Variants in MLKL observed in about 807,000 individuals in gnomAD.
MLKL encodes the protein mixed lineage kinase domain-like protein.
MLKL carries 55 observed loss-of-function variants against 56.5 expected under a neutral mutation model. The observed-to-expected ratio is 0.97, with a 90% CI of 0.78 to 1.22. MLKL has a LOEUF of 1.22. Ranked by LOEUF, MLKL falls within the 50% of genes most tolerant of loss-of-function variation. The pLI is 0.00. For missense variants in MLKL, 694 were observed against 573.9 expected (o/e 1.21, Z -2.14); for synonymous variants, 251 against 208.3 (o/e 1.20, Z -1.76).
chr16:74,692,993 A>G (rs1960766388), intron 2 of MLKL, among the ~76,000 whole-genome samples: 1 of 152,236 alleles, frequency 6.6e-6, no homozygotes, highest in South Asian at 2.1e-4. Flanking sequence ...AACCCTGACT[A>G]CTAAAAGTGG....
intron 1 of MLKL, among the ~76,000 whole-genome samples, chr16:74,697,114 G>T (rs1050632797): frequency 4.6e-5 from 7 of 151,512 alleles, no homozygotes; most frequent in Non-Finnish European, 7.4e-5. Context: ...TACCTGGGAA[G>T]TTGAGATAGG....
chr16:74,675,716 T>TC lies in MLKL; in HGVS notation c.1086_1087insG (p.Thr363AspfsTer28), dbSNP rs1327480721. Reference sequence around the variant, plus strand: ...ACTCTGTCTGTCTTTTCTCTCGTAGTTCCCAAACTCATGGAAGTCTGTGTT... The same window carrying TC: ...ACTCTGTCTGTCTTTTCTCTCGTAGTCTCCCAAACTCATGGAAGTCTGTGTT... On this transcript the variant is annotated frameshift_variant, in exon 8 of 11. Transcript: ENST00000308807. LOFTEE classifies it high-confidence loss of function. The TC allele has an allele frequency of 6.2e-7, 1 of 1,614,076 alleles. No homozygotes were observed. Among genetic ancestry groups the TC allele is most frequent in the African/African-American group, 1.3e-5 (1 of 74,944 alleles).
At chr16:74,698,802 T>C (rs1283004607) in intron 1 of MLKL, among the ~76,000 whole-genome samples, 1 of 152,158 alleles carries the variant, frequency 6.6e-6, no homozygotes, top group African/African-American at 2.4e-5. Flanking sequence ...TAATAAATTA[T>C]ACAGTGGTGG....
rs143888906 is a variant in MLKL at position 74,695,343 on chromosome 16, G to A, written c.415C>T (p.Gln139Ter). The A allele has an allele frequency of 7.1e-5, 114 of 1,614,134 alleles. No individual in the cohort carries two copies. The Admixed American group carries it at 1.2e-3, about 18-fold the overall frequency. The part of the protein sequence containing the change: ...QGASWAQEDQ[Q>*]DADEDRRAFQ... ...GCTCGCCTGTCTTCGTCTGCATCCTGCTGATCTTCCTGTGCCCAGGACGCT... is the reference window on the plus strand; with the variant it reads ...GCTCGCCTGTCTTCGTCTGCATCCTACTGATCTTCCTGTGCCCAGGACGCT... Residue 139 changes from glutamine (Q) to a stop codon, truncating the protein, a stop_gained, in exon 2 of 11, where the codon CAG becomes TAG. Transcript: ENST00000308807. LOFTEE classifies it high-confidence loss of function.
rs1200089016 is a variant in MLKL at position 74,672,544 on chromosome 16, G to A, written c.1382-6C>T. On this transcript the variant is annotated splice_region_variant and splice_polypyrimidine_tract_variant and intron_variant, in intron 10 of 10. Coordinates refer to ENST00000308807, the MANE Select transcript of MLKL (RefSeq NM_152649.4). ...GGAGAGTTTCTTTAAGATTTCTGTG[G>A]ATGAATGAACAGAAAATTAGACCAG... 3.7e-6 allele frequency: 6 copies of A among 1,613,506 alleles called. No homozygotes were observed. The highest frequency in any genetic ancestry group is 5.1e-6 in the Non-Finnish European group (6 of 1,179,486).
At chr16:74,698,489 G>T (rs1477406590) in intron 1 of MLKL, among the ~76,000 whole-genome samples, 1 of 152,090 alleles carries the variant, frequency 6.6e-6, no homozygotes, top group African/African-American at 2.4e-5. Context: ...AGTTATTAGG[G>T]CACTCCTAAA....
chr16:74,692,474 A>C lies in MLKL; in HGVS notation c.461-58T>G. On this transcript the variant is annotated intron_variant, in intron 2 of 10. Coordinates refer to ENST00000308807, the MANE Select transcript of MLKL (RefSeq NM_152649.4). ...TAGATATTAAAATCACACGCCAATCAAAACTAAAATGCTAATTAAAACTGT... is the reference window on the plus strand; with the variant it reads ...TAGATATTAAAATCACACGCCAATCCAAACTAAAATGCTAATTAAAACTGT... The C allele has an allele frequency of 5.7e-6, 8 of 1,399,222 alleles. 1 individual carries two copies. The South Asian group carries it at 9.7e-5, about 17-fold the overall frequency. 86.7% of individuals were successfully genotyped at this position (1,399,222 alleles called of 1,614,324 possible).
At chr16:74,697,702 C>G (rs1278726446) in intron 1 of MLKL, among the ~76,000 whole-genome samples, 1 of 151,842 alleles carries the variant, frequency 6.6e-6, no homozygotes, top group African/African-American at 2.4e-5. Context: ...ACCTGTAGTC[C>G]CAGCTACTCA....
In MLKL at chr16:74,672,404, A is replaced by G. The variant is rs1959283559; in HGVS notation, c.*100T>C. 3 of 1,152,050 alleles carry G rather than the reference A, an allele frequency of 2.6e-6. No individual in the cohort carries two copies. In the Admixed American group the frequency reaches 5.7e-5, roughly 22 times the overall value. The allele number at this position is 1,152,050 out of a possible 1,614,324, so 71.4% of individuals were successfully genotyped here. ...AGAAGCGTGCCCACTCCTTGCACCC[A>G]TAGATAACCCAATGCCGAAGGATAT... On this transcript the variant is annotated 3_prime_UTR_variant, in exon 11 of 11. Transcript: ENST00000308807.
At chr16:74,685,411 A>C in intron 5 of MLKL, 75 bp downstream of exon 5, 1 of 1,084,530 alleles carries the variant, frequency 9.2e-7, no homozygotes, top group Non-Finnish European at 1.4e-6. Flanking sequence ...TCTTTAAAAA[A>C]ATGCAACACA....
Position 74,697,049 on chromosome 16 carries a change from A to G in MLKL, c.-2-1290T>C, listed in dbSNP as rs1463727688. Among the ~76,000 whole-genome samples the G allele has an allele frequency of 4.7e-5, 7 of 147,898 alleles. No individual in the cohort carries two copies. The South Asian group carries it at 1.3e-3, about 27-fold the overall frequency. ...GTAATACATATATATAATATTACATATATATTATATATATAAGTTAGCCTG... is the reference window on the plus strand; with the variant it reads ...GTAATACATATATATAATATTACATGTATATTATATATATAAGTTAGCCTG... On this transcript the variant is annotated intron_variant, in intron 1 of 10. Transcript: ENST00000308807.
chr16:74,682,340 T>C (rs899177904), intron 6 of MLKL, among the ~76,000 whole-genome samples: 2 of 152,198 alleles, frequency 1.3e-5, no homozygotes, highest in Non-Finnish European at 2.9e-5. Context: ...AATGATTCAT[T>C]ACTTTCCTAA....
intron 5 of MLKL, among the ~76,000 whole-genome samples, chr16:74,684,431 G>GAAAAA (rs66482612): frequency 8.9e-6 from 1 of 112,746 alleles, no homozygotes; most frequent in South Asian, 2.9e-4. Flanking sequence ...GGGAAAAAAA[G>GAAAAA]AAAAAAAAAA....
chr16:74,676,152 A>G, intron 7 of MLKL: 1 of 696,060 alleles, frequency 1.4e-6, no homozygotes. Context: ...TCATAGAGCC[A>G]CTGCCTGGCT....
intron 6 of MLKL, among the ~76,000 whole-genome samples, chr16:74,679,532 G>T (rs1232353449): frequency 6.6e-6 from 1 of 152,156 alleles, no homozygotes; most frequent in Non-Finnish European, 1.5e-5. Flanking sequence ...CCTTGACCAG[G>T]CATGGTGGCT....
Position 74,678,997 on chromosome 16 carries a change from C to G in MLKL, c.957-17G>C, listed in dbSNP as rs772401816. The G allele has an allele frequency of 2.5e-6, 4 of 1,610,744 alleles. No homozygotes were observed. The highest frequency in any genetic ancestry group is 2.5e-6 in the Non-Finnish European group (3 of 1,177,314). On this transcript the variant is annotated splice_polypyrimidine_tract_variant and intron_variant, in intron 6 of 10. Coordinates refer to ENST00000308807, the MANE Select transcript of MLKL (RefSeq NM_152649.4). ...TGGTGTAGCCTGACACAGCCAAAGG[C>G]GGGGAGCATAAGTACCTTTGCCCAA...
At chr16:74,688,409 ACT>A (rs1341020508) in intron 4 of MLKL, among the ~76,000 whole-genome samples, 1 of 152,004 alleles carries the variant, frequency 6.6e-6, no homozygotes, top group African/African-American at 2.4e-5. Flanking sequence ...AAAACTATAA[ACT>A]CTTAGAAGAA....
chr16:74,695,694 T>C lies in MLKL; in HGVS notation c.64A>G (p.Lys22Glu), dbSNP rs749037454. The change falls in exon 2 of 11, where the codon AAA (lysine) becomes GAA (glutamate). Residue 22 changes from lysine (K) to glutamate (E), a missense_variant. Transcript: ENST00000308807. ...CGCCGGCACTGTTTCTTGCAGTATT[T>C]CATCTCTTCACACCGTTTGTGGATG... ...QVIHKRCEEM[K>E]YCKKQCRRLG... The C allele has an allele frequency of 2.5e-6, 4 of 1,614,104 alleles. No individual in the cohort carries two copies. The East Asian group carries it at 6.7e-5, about 27-fold the overall frequency.
chr16:74,687,872 C>T (rs920400249), intron 4 of MLKL, among the ~76,000 whole-genome samples: 53 of 151,420 alleles, frequency 3.5e-4, no homozygotes, highest in Non-Finnish European at 2.4e-4. Flanking sequence ...GTCAAGCAGG[C>T]TGGAGTGCAG....
Sources: gnomAD v4.1 joint callset for allele counts (sites outside exome capture counted in the v4.1 genomes callset) on GRCh38, gnomAD v4.1.1 for gene constraint, MANE v1.5 for transcripts, NCBI Gene and HGNC (gene_info 2026-07-23, HGNC 2026-07-21) for gene names.